The following FGF20 variants were observed in gnomAD, a reference collection of about 807,000 sequenced individuals.
FGF20 encodes the protein fibroblast growth factor 20.
In FGF20, 8 loss-of-function variants were observed where a neutral mutation model predicts 16.7. The ratio of observed to expected loss-of-function variants is 0.48; its 90% CI spans 0.28 to 0.87. FGF20 has a LOEUF of 0.87. Ranked by LOEUF, FGF20 falls within the 40% of genes least tolerant of loss-of-function variation. The pLI is 0.10. For synonymous variants in FGF20, 161 were observed against 118.6 expected (o/e 1.36, Z -2.32); for missense variants, 397 against 281.4 (o/e 1.41, Z -2.94).
Position 16,992,926 on chromosome 8 carries a change from T to C in FGF20, c.*146A>G, listed in dbSNP as rs572374220. ...AGTCAAAATTTTTTTTGGTTTTTTT[T>C]CTCAATATTCTTTCCAAATCCAGTC... On this transcript the variant is annotated 3_prime_UTR_variant, in exon 3 of 3. Transcript: ENST00000180166. 2.1e-5 allele frequency: 23 copies of C among 1,088,838 alleles called. No homozygotes were observed. The African/African-American group carries it at 2.2e-4, about 10-fold the overall frequency. 67.4% of individuals were successfully genotyped at this position (1,088,838 alleles called of 1,614,324 possible).
At chr8:16,993,427 AG>A (rs1809964914) in intron 2 of FGF20, 110 bp from the exon 3 acceptor site, 1 of 1,160,918 alleles carries the variant, frequency 8.6e-7, no homozygotes, top group East Asian at 2.4e-5. Flanking sequence ...AGAAAGAAAA[AG>A]GTTAAATTGG....
Position 16,999,006 on chromosome 8 carries a change from G to C in FGF20, c.286+2741C>G, listed in dbSNP as rs1401281615. ...CATAATAATTTAATAATTAGTAACT[G>C]AAGTACTAGCAAAAGAAGCCAAACA... On this transcript the variant is annotated intron_variant, in intron 1 of 2. Transcript: ENST00000180166. Among the ~76,000 whole-genome samples the C allele has an allele frequency of 2.6e-5, 4 of 152,106 alleles. No homozygotes were observed. In the East Asian group the frequency reaches 7.7e-4, roughly 29 times the overall value.
At chr8:16,996,302 C>T (rs997570449) in intron 1 of FGF20, among the ~76,000 whole-genome samples, 2 of 152,090 alleles carry the variant, frequency 1.3e-5, no homozygotes, top group African/African-American at 2.4e-5. Context: ...GAAAGTACTA[C>T]GACAATGGTA....
In FGF20 at chr8:16,992,967, G is replaced by T; in HGVS notation, c.*105C>A. ...AAATCCAGTCTCTCAGTAGAAAATA[G>T]ACTTTAATATTTTGAACGTCTCCTT... On this transcript the variant is annotated 3_prime_UTR_variant, in exon 3 of 3. Transcript: ENST00000180166. 1 of 1,374,814 alleles carries T rather than the reference G, an allele frequency of 7.3e-7. No individual in the cohort carries two copies. Among genetic ancestry groups the T allele is most frequent in the African/African-American group, 1.4e-5 (1 of 69,074 alleles). 85.2% of individuals were successfully genotyped at this position (1,374,814 alleles called of 1,614,324 possible). A position where few individuals can be genotyped will look rare whatever the true frequency, so the allele number is the denominator to read the frequency against.
At position 16,995,547 on chromosome 8, in the gene FGF20, T is replaced by C. The variant is rs1810022790; in HGVS notation, c.390+108A>G. ...ATAGATTTCAATTTCTACGTAAGTA[T>C]GTTTTATATACTTCTACCAGACATT... On this transcript the variant is annotated intron_variant, in intron 2 of 2. Coordinates refer to ENST00000180166, the MANE Select transcript of FGF20 (RefSeq NM_019851.3). 8.5e-6 allele frequency: 4 copies of C among 470,560 alleles called. No homozygotes were observed. In the Admixed American group the frequency reaches 1.2e-4, roughly 14 times the overall value. The allele number at this position is 470,560 out of a possible 1,614,324, so 29.1% of individuals were successfully genotyped here.
At chr8:16,995,125 C>A (rs1485322294) in intron 2 of FGF20, among the ~76,000 whole-genome samples, 1 of 152,178 alleles carries the variant, frequency 6.6e-6, no homozygotes, top group Non-Finnish European at 1.5e-5. Flanking sequence ...TTTGAATGAG[C>A]CCATGGCTAC....
At chr8:16,999,562 G>A (rs965644085) in intron 1 of FGF20, among the ~76,000 whole-genome samples, 12 of 122,132 alleles carry the variant, frequency 9.8e-5, no homozygotes, top group African/African-American at 3.5e-4. Context: ...TTGGTCTGTC[G>A]CCAAGGCTGG....
At position 16,993,010 on chromosome 8, in the gene FGF20, TG is replaced by T; in HGVS notation, c.*61del. 6.5e-7 allele frequency: 1 copy of T among 1,546,096 alleles called. No individual in the cohort carries two copies. The highest frequency in any genetic ancestry group is 8.7e-7 in the Non-Finnish European group (1 of 1,143,744). On this transcript the variant is annotated 3_prime_UTR_variant, in exon 3 of 3. Coordinates refer to ENST00000180166, the MANE Select transcript of FGF20 (RefSeq NM_019851.3). The stretch of plus-strand genomic sequence containing the variant: ...GTCTCCTTGGGTCATTATTTTATGA[TG>T]GGAACTATGACAAGAAAGAATGGTT...
chr8:17,001,664 G>A, intron 1 of FGF20, 83 bp downstream of exon 1: 1 of 1,404,412 alleles, frequency 7.1e-7, no homozygotes, highest in Non-Finnish European at 9.4e-7. Flanking sequence ...GCCCTTGGCA[G>A]GCAAAGAGGG....
rs1018452811 is a variant in FGF20, at chr8:16,992,605, T to A, written c.*467A>T. On this transcript the variant is annotated 3_prime_UTR_variant, in exon 3 of 3. Coordinates refer to ENST00000180166, the MANE Select transcript of FGF20 (RefSeq NM_019851.3). ...ATGTTTCACCCAGGTGTTGTTTAGT[T>A]TTTTTTTTTCTTAAAACATATAATG... The A allele has an allele frequency of 6.6e-6, 1 of 151,474 alleles. No individual in the cohort carries two copies. The highest frequency in any genetic ancestry group is 2.4e-5 in the African/African-American group (1 of 41,246). 9.4% of individuals were successfully genotyped at this position (151,474 alleles called of 1,614,324 possible).
chr8:17,001,260 G>C (rs1428419442), intron 1 of FGF20, among the ~76,000 whole-genome samples: 2 of 152,112 alleles, frequency 1.3e-5, no homozygotes, highest in Non-Finnish European at 2.9e-5. Context: ...ATAACTGTGG[G>C]GCATGTTTAA....
rs1455087624 is a variant in FGF20, at chr8:17,001,905, G to T, written c.128C>A (p.Ala43Glu). 4 of 1,468,360 alleles carry T rather than the reference G, an allele frequency of 2.7e-6. No homozygotes were observed. Among genetic ancestry groups the T allele is most frequent in the Admixed American group, 2.7e-5 (1 of 36,944 alleles). The allele number at this position is 1,468,360 out of a possible 1,614,324, so 91.0% of individuals were successfully genotyped here. A position where few individuals can be genotyped will look rare whatever the true frequency, so the allele number is the denominator to read the frequency against. The change falls in exon 1 of 3, where the codon GCG becomes GAG. Residue 43 changes from alanine to glutamate, a missense_variant. By Grantham distance (107) the Ala-to-Glu change is moderately radical. Transcript: ENST00000180166. ...CCCGCCGCGCGCGCTCCGCTCCGCC[G>T]CGCTCCTGCGCTCGCCCAGCAGCGG... ...RPPLLGERRS[A>E]AERSARGGPG...
Position 16,993,152 on chromosome 8 carries a change from T to C in FGF20, c.556A>G (p.Lys186Glu). 4 of 1,614,150 alleles carry C rather than the reference T, an allele frequency of 2.5e-6. No homozygotes were observed. Among genetic ancestry groups the C allele is most frequent in the Non-Finnish European group, 3.4e-6 (4 of 1,180,016 alleles). The change falls in exon 3 of 3, where the codon AAA becomes GAA. Residue 186 changes from lysine to glutamate, a missense_variant. By Grantham distance (56) the Lys-to-Glu change is moderately conservative (BLOSUM62 1). Coordinates refer to ENST00000180166, the MANE Select transcript of FGF20 (RefSeq NM_019851.3). ...GGTCTAGGTAAGAAATGTGTAAATT[T>C]CTGATGCCTCTTGGACCTGGCGCCA... ...RDGARSKRHQ[K>E]FTHFLPRPVD...
intron 1 of FGF20, among the ~76,000 whole-genome samples, chr8:16,998,294 G>A (rs1810102712): frequency 6.6e-6 from 1 of 152,142 alleles, no homozygotes; most frequent in South Asian, 2.1e-4. Flanking sequence ...ACATAACCAG[G>A]TATAAATAAT....
In FGF20 at chr8:16,993,025, G is replaced by T. The variant is rs369523536; in HGVS notation, c.*47C>A. 6.3e-7 allele frequency: 1 copy of T among 1,585,486 alleles called. No individual in the cohort carries two copies. The highest frequency in any genetic ancestry group is 1.7e-4 in the Middle Eastern group (1 of 5,898). On this transcript the variant is annotated 3_prime_UTR_variant, in exon 3 of 3. Coordinates refer to ENST00000180166, the MANE Select transcript of FGF20 (RefSeq NM_019851.3). ...TATTTTATGATGGGAACTATGACAA[G>T]AAAGAATGGTTGTGGTTTGACTCTT...
At position 17,001,941 on chromosome 8, in the gene FGF20, C is replaced by T; in HGVS notation, c.92G>A (p.Gly31Glu). ...CTCGCCCAGCAGCGGCGGCCGCTCCCCGGCAGGAGGCAACAGGAAATGCGA... is the reference window on the plus strand; with the variant it reads ...CTCGCCCAGCAGCGGCGGCCGCTCCTCGGCAGGAGGCAACAGGAAATGCGA... ...VGSHFLLPPA[G>E]ERPPLLGERR... Residue 31 changes from glycine (G) to glutamate (E), a missense_variant, in exon 1 of 3, where the codon GGG (glycine) becomes GAG (glutamate). Coordinates refer to ENST00000180166, the MANE Select transcript of FGF20 (RefSeq NM_019851.3). The T allele has an allele frequency of 6.7e-7, 1 of 1,496,938 alleles. No homozygotes were observed. The highest frequency in any genetic ancestry group is 8.9e-7 in the Non-Finnish European group (1 of 1,124,518). The allele number at this position is 1,496,938 out of a possible 1,614,324, so 92.7% of individuals were successfully genotyped here. A position where few individuals can be genotyped will look rare whatever the true frequency, so the allele number is the denominator to read the frequency against.
Position 17,001,878 on chromosome 8 carries a change from G to A in FGF20, c.155C>T (p.Pro52Leu). 1 of 1,435,372 alleles carries A rather than the reference G, an allele frequency of 7.0e-7. No homozygotes were observed. The highest frequency in any genetic ancestry group is 3.0e-5 in the East Asian group (1 of 32,824). 88.9% of individuals were successfully genotyped at this position (1,435,372 alleles called of 1,614,324 possible). Residue 52 changes from proline (P) to leucine (L), a missense_variant, in exon 1 of 3, where the codon CCG (proline) becomes CTG (leucine). Physicochemically the swap from Pro to Leu is moderately conservative, Grantham distance 98. Transcript: ENST00000180166. ...CAGGTGCGCCAGCTGCGCAGCCCCC[G>A]GCCCGCCGCGCGCGCTCCGCTCCGC... Reference protein sequence around the residue: ...SAAERSARGGPGAAQLAHLHG... With the variant: ...SAAERSARGGLGAAQLAHLHG...
chr8:16,997,372 T>C (rs917380378), intron 1 of FGF20, among the ~76,000 whole-genome samples: 1 of 152,214 alleles, frequency 6.6e-6, no homozygotes, highest in Admixed American at 6.5e-5. Context: ...GTGTACCCTT[T>C]AGCCTGACTC....
At chr8:16,996,107 G>C (rs1447984133) in intron 1 of FGF20, among the ~76,000 whole-genome samples, 1 of 152,156 alleles carries the variant, frequency 6.6e-6, no homozygotes, top group Non-Finnish European at 1.5e-5. Context: ...TGGGGTGGTA[G>C]CCTGGGATTC....
Sources: gnomAD v4.1 joint callset for allele counts (sites outside exome capture counted in the v4.1 genomes callset) on GRCh38, gnomAD v4.1.1 for gene constraint, MANE v1.5 for transcripts, NCBI Gene and HGNC (gene_info 2026-07-23, HGNC 2026-07-21) for gene names.